The following NGEF variants were observed in gnomAD, a reference collection of about 807,000 sequenced individuals.
NGEF encodes neuronal guanine nucleotide exchange factor.
NGEF carries 31 observed loss-of-function variants against 80.9 expected under a neutral mutation model. The observed-to-expected ratio is 0.38, with a 90% CI of 0.29 to 0.52. The LOEUF is 0.52. Among genes scored for constraint, NGEF ranks in the 20% least tolerant of loss-of-function variants. The pLI, the probability that NGEF is intolerant of heterozygous loss-of-function variation, is 0.84. For missense variants in NGEF, 709 were observed against 926.2 expected, an observed-to-expected ratio of 0.77 and a Z score of 3.04; for synonymous variants, 371 against 370.2, an observed-to-expected ratio of 1.00 and a Z score of -0.03.
intron 1 of NGEF, among the ~76,000 whole-genome samples, chr2:232,989,607 C>T (rs1482268897): frequency 6.6e-6 from 1 of 152,224 alleles, no homozygotes; most frequent in Non-Finnish European, 1.5e-5. Context: ...GGGATCTGGA[C>T]AACAAACCTC....
intron 1 of NGEF, 133 bp from the exon 2 acceptor site, chr2:232,975,097 C>T: frequency 1.8e-6 from 1 of 568,550 alleles, no homozygotes; most frequent in South Asian, 2.5e-5. Context: ...CACGTCTTCG[C>T]CACTGAAAAT....
rs538929054 is a variant in NGEF, at chr2:232,906,099, G to C, written c.829-11183C>G. ...GGGTCAGCCCCCCGCCTGGTCAGCC[G>C]TCCCGTCTGGGAGGGAGGTGGGGGT... On this transcript the variant is annotated intron_variant, in intron 5 of 14. Coordinates refer to ENST00000264051, the MANE Select transcript of NGEF (RefSeq NM_019850.3). 3.9e-4 allele frequency among the ~76,000 whole-genome samples: 39 copies of C among 99,866 alleles called. 3 individuals are homozygous for C. The South Asian group carries it at 0.012, about 30-fold the overall frequency. 65.5% of individuals were successfully genotyped at this position (99,866 alleles called of 152,430 possible).
intron 1 of NGEF, among the ~76,000 whole-genome samples, chr2:232,981,353 T>C (rs1694412102): frequency 6.6e-6 from 1 of 151,890 alleles, no homozygotes; most frequent in African/African-American, 2.4e-5. Flanking sequence ...GACCCCTTTC[T>C]TGCCTGGGGA....
chr2:232,899,538 A>G (rs1347931658), intron 5 of NGEF, among the ~76,000 whole-genome samples: 2 of 152,004 alleles, frequency 1.3e-5, no homozygotes, highest in East Asian at 3.9e-4. Context: ...AGTCACTCAT[A>G]TACATGTTCA....
rs966209630 is a variant in NGEF at position 232,902,290 on chromosome 2, C to T, written c.829-7374G>A. On this transcript the variant is annotated intron_variant, in intron 5 of 14. Transcript: ENST00000264051. ...TAAGAAGAAACCCCTCAAAGGCTAT[C>T]CTCCTTCTGCAGACAATGATGATGA... Among the ~76,000 whole-genome samples, 6 of 152,200 alleles carry T rather than the reference C, an allele frequency of 3.9e-5. No homozygotes were observed. The East Asian group carries it at 1.2e-3, about 29-fold the overall frequency.
At chr2:232,982,790 A>C (rs1323005203) in intron 1 of NGEF, among the ~76,000 whole-genome samples, 1 of 152,226 alleles carries the variant, frequency 6.6e-6, no homozygotes, top group Non-Finnish European at 1.5e-5. Flanking sequence ...CTGGGATTAC[A>C]GGCTTGAGCC....
In NGEF at chr2:232,885,362, T is replaced by C; in HGVS notation, c.1355A>G (p.Lys452Arg). 2 of 1,613,900 alleles carry C rather than the reference T, an allele frequency of 1.2e-6. No individual in the cohort carries two copies. The highest frequency in any genetic ancestry group is 1.7e-6 in the Non-Finnish European group (2 of 1,179,838). ...DAHKELEMVV[K>R]ACNEGVRKMS... ...TTTCCTGACGCCCTCGTTGCATGCC[T>C]TCACCACCTGGGACAAGAAGGAGGG... The change falls in exon 10 of 15, where the codon AAG (lysine) becomes AGG (arginine). Residue 452 changes from lysine (K) to arginine (R), a missense_variant. Transcript: ENST00000264051.
intron 3 of NGEF, among the ~76,000 whole-genome samples, chr2:232,929,101 G>T (rs879769851): frequency 1.3e-5 from 2 of 152,236 alleles, no homozygotes; most frequent in Non-Finnish European, 2.9e-5. Context: ...GGGCCCTTGG[G>T]TGACCGCGGC....
At chr2:232,991,478 A>T (rs998644659) in intron 1 of NGEF, among the ~76,000 whole-genome samples, 7 of 152,110 alleles carry the variant, frequency 4.6e-5, no homozygotes, top group African/African-American at 1.2e-4. Flanking sequence ...ATTAAAATTT[A>T]AAAAAACCAA....
intron 1 of NGEF, among the ~76,000 whole-genome samples, chr2:232,990,755 A>G (rs1694634797): frequency 6.6e-6 from 1 of 152,116 alleles, no homozygotes. Context: ...TGGAAGGGCT[A>G]CTAAACCAGA....
intron 2 of NGEF, among the ~76,000 whole-genome samples, chr2:232,973,290 A>C (rs890929046): frequency 6.6e-6 from 1 of 152,202 alleles, no homozygotes; most frequent in African/African-American, 2.4e-5. Context: ...AATTTCAAAC[A>C]TATGGAAAAG....
At chr2:232,936,925 T>C (rs1056698749) in intron 3 of NGEF, among the ~76,000 whole-genome samples, 2 of 152,228 alleles carry the variant, frequency 1.3e-5, no homozygotes, top group South Asian at 2.1e-4. Flanking sequence ...TCTTGTAGAC[T>C]GTCCTTTAAC....
chr2:232,966,709 A>G (rs1175696137), intron 3 of NGEF, among the ~76,000 whole-genome samples: 1 of 152,154 alleles, frequency 6.6e-6, no homozygotes, highest in Non-Finnish European at 1.5e-5. Flanking sequence ...ATTTTTATGT[A>G]CCAATTGGCA....
At chr2:232,901,298 AACC>A in intron 5 of NGEF, 1 of 915,706 alleles carries the variant, frequency 1.1e-6, no homozygotes, top group Non-Finnish European at 1.3e-6. Context: ...CACTCGGATC[AACC>A]CTGCGTTCCC....
chr2:232,916,776 T>A (rs559670627), intron 5 of NGEF, among the ~76,000 whole-genome samples: 3 of 152,214 alleles, frequency 2.0e-5, no homozygotes, highest in Non-Finnish European at 2.9e-5. Context: ...TGAATGGCAA[T>A]TGGGCAGAGT....
chr2:232,987,565 G>A (rs750885882), intron 1 of NGEF, among the ~76,000 whole-genome samples: 10 of 152,150 alleles, frequency 6.6e-5, no homozygotes, highest in Non-Finnish European at 1.3e-4. Context: ...CTGCAGGAAG[G>A]AGAGGCTCCC....
chr2:233,002,589 A>T (rs1695003447), intron 1 of NGEF, among the ~76,000 whole-genome samples: 1 of 152,132 alleles, frequency 6.6e-6, no homozygotes, highest in Non-Finnish European at 1.5e-5. Context: ...ACGTGGGAGA[A>T]TTCCTGGAGC....
chr2:232,893,192 G>A (rs562411920), intron 6 of NGEF, 142 bp from the exon 7 acceptor site: 43 of 764,058 alleles, frequency 5.6e-5, no homozygotes, highest in South Asian at 5.2e-4. Flanking sequence ...AAGATCCATC[G>A]GCAGGGGCAC....
intron 9 of NGEF, among the ~76,000 whole-genome samples, chr2:232,886,512 C>T (rs975079170): frequency 6.6e-6 from 1 of 152,084 alleles, no homozygotes; most frequent in Non-Finnish European, 1.5e-5. Flanking sequence ...GCAGGGAGGG[C>T]GAGGTGGCTA....
Sources: allele counts gnomAD v4.1 joint callset (sites outside exome capture counted in the v4.1 genomes callset), GRCh38; gene constraint gnomAD v4.1.1; transcripts MANE v1.5; gene names NCBI Gene and HGNC (gene_info 2026-07-23, HGNC 2026-07-21).